SNX29: variants seen among roughly 807,000 people sequenced by gnomAD.
SNX29 encodes sorting nexin 29, also known as sorting nexin-29.
In SNX29, 78 loss-of-function variants were observed where a neutral mutation model predicts 102.1. The observed-to-expected ratio is 0.76, with a 90% CI of 0.64 to 0.92. The LOEUF is 0.92. Ranked by LOEUF, SNX29 falls within the 40% of genes least tolerant of loss-of-function variation. The pLI, the probability that SNX29 is intolerant of heterozygous loss-of-function variation, is 0.00. For missense variants in SNX29, 1,280 were observed against 1,061.7 expected (o/e 1.21, Z -2.86); for synonymous variants, 580 against 414.5 (o/e 1.40, Z -4.85).
chr16:12,249,059 C>T (rs1209116960), intron 14 of SNX29, among the ~76,000 whole-genome samples: 1 of 152,114 alleles, frequency 6.6e-6, no homozygotes, highest in East Asian at 1.9e-4. Context: ...ACAAACCATT[C>T]CCAAAATGAG....
intron 15 of SNX29, among the ~76,000 whole-genome samples, chr16:12,355,844 A>AG (rs1567471746): frequency 1.0e-4 from 1 of 9,846 alleles, no homozygotes; most frequent in East Asian, 4.9e-3. Flanking sequence ...AGATCTTATT[A>AG]AAAAAAAAAA....
rs564021148 is a variant in SNX29, at chr16:12,121,756, C to T, written c.1403-4877C>T. ...GGAGCCTCCAGCCAGGGGTCCTGGG[C>T]CCAGTTTAGGGTTTCATTTAAGGGT... On this transcript the variant is annotated intron_variant, in intron 11 of 20. Transcript: ENST00000566228. Among the ~76,000 whole-genome samples, 19 of 152,238 alleles carry T rather than the reference C, an allele frequency of 1.2e-4. No individual in the cohort carries two copies. In the East Asian group the frequency reaches 3.5e-3, roughly 28 times the overall value.
intron 19 of SNX29, among the ~76,000 whole-genome samples, chr16:12,512,480 C>T (rs1250448050): frequency 7.1e-6 from 1 of 140,870 alleles, no homozygotes; most frequent in Non-Finnish European, 1.6e-5. Context: ...GTGGTGCGAT[C>T]TCAGCTCACT....
At chr16:12,536,466 C>G (rs538687582) in intron 20 of SNX29, among the ~76,000 whole-genome samples, 3 of 152,030 alleles carry the variant, frequency 2.0e-5, no homozygotes, top group Non-Finnish European at 4.4e-5. Context: ...AAGGCTATGC[C>G]GTTTACTTTA....
At chr16:12,461,448 A>T (rs1237548128) in intron 18 of SNX29, among the ~76,000 whole-genome samples, 1 of 152,202 alleles carries the variant, frequency 6.6e-6, no homozygotes, top group East Asian at 1.9e-4. Flanking sequence ...TTCTAACCGC[A>T]GCCCTTCACT....
intron 14 of SNX29, among the ~76,000 whole-genome samples, chr16:12,219,527 G>A (rs2077419356): frequency 6.6e-6 from 1 of 152,162 alleles, no homozygotes; most frequent in African/African-American, 2.4e-5. Flanking sequence ...GTAGTGTGAA[G>A]GCAGTTGTTG....
At chr16:12,404,406 C>T (rs982778685) in intron 18 of SNX29, among the ~76,000 whole-genome samples, 6 of 151,970 alleles carry the variant, frequency 3.9e-5, no homozygotes, top group African/African-American at 1.5e-4. Context: ...GTCTGTCTTC[C>T]TTCTCCTCCT....
intron 20 of SNX29, among the ~76,000 whole-genome samples, chr16:12,548,238 A>G (rs1388433820): frequency 6.6e-6 from 1 of 152,160 alleles, no homozygotes; most frequent in Non-Finnish European, 1.5e-5. Context: ...GTGTTAGGTT[A>G]CATTTCCTTC....
At chr16:12,139,219 A>G (rs938268481) in intron 13 of SNX29, among the ~76,000 whole-genome samples, 3 of 118,226 alleles carry the variant, frequency 2.5e-5, no homozygotes, top group African/African-American at 6.6e-5. Flanking sequence ...AAAAAAAAAA[A>G]AAAGGGAGGA....
intron 3 of SNX29, among the ~76,000 whole-genome samples, chr16:12,024,305 A>AT (rs1004228861): frequency 6.6e-6 from 1 of 152,056 alleles, no homozygotes; most frequent in Non-Finnish European, 1.5e-5. Flanking sequence ...CACCCAGCTC[A>AT]TTTTATATAT....
intron 13 of SNX29, among the ~76,000 whole-genome samples, chr16:12,130,772 TC>T (rs1045432703): frequency 2.6e-5 from 4 of 152,026 alleles, no homozygotes; most frequent in Non-Finnish European, 4.4e-5. Context: ...TGGTAGCCTG[TC>T]CTATGCAGCA....
At chr16:12,551,445 G>A (rs1567179541) in intron 20 of SNX29, among the ~76,000 whole-genome samples, 2 of 152,198 alleles carry the variant, frequency 1.3e-5, no homozygotes, top group Non-Finnish European at 2.9e-5. Context: ...CACCCAGCAT[G>A]CTTTTAAAAA....
chr16:12,176,740 A>G (rs933780147), intron 13 of SNX29, among the ~76,000 whole-genome samples: 5 of 152,040 alleles, frequency 3.3e-5, no homozygotes, highest in Admixed American at 3.3e-4. Flanking sequence ...ATACCAAAGG[A>G]TGTGTCTGTG....
chr16:12,570,046 C>T lies in SNX29; in HGVS notation c.*1417C>T, dbSNP rs3803598. The T allele has an allele frequency of 5.3e-3, 2,646 of 499,340 alleles. 52 individuals carry two copies. In the East Asian group the frequency reaches 0.067, roughly 13 times the overall value. The allele number at this position is 499,340 out of a possible 1,614,324, so 30.9% of individuals were successfully genotyped here. ...GTGAGCATGGAGCATCTCCTAGGCTCGAGGACATCTCTGGAGAATCATCTG... is the reference window on the plus strand; with the variant it reads ...GTGAGCATGGAGCATCTCCTAGGCTTGAGGACATCTCTGGAGAATCATCTG... On this transcript the variant is annotated 3_prime_UTR_variant, in exon 21 of 21. Transcript: ENST00000566228.
At chr16:12,555,035 C>T (rs762003594) in intron 20 of SNX29, among the ~76,000 whole-genome samples, 15 of 151,756 alleles carry the variant, frequency 9.9e-5, no homozygotes, top group Non-Finnish European at 1.5e-4. Context: ...TGCCTGGTGC[C>T]ACCGAGCAGC....
At chr16:12,533,120 C>G (rs2076976526) in intron 20 of SNX29, among the ~76,000 whole-genome samples, 2 of 152,238 alleles carry the variant, frequency 1.3e-5, no homozygotes, top group African/African-American at 2.4e-5. Context: ...AACTCGACAG[C>G]TCTGCTTAGA....
At chr16:12,070,626 C>T (rs1375358873) in intron 10 of SNX29, among the ~76,000 whole-genome samples, 4 of 151,292 alleles carry the variant, frequency 2.6e-5, no homozygotes, top group East Asian at 1.9e-4. Context: ...TGAATAGTGC[C>T]ACAATAAACA....
intron 20 of SNX29, among the ~76,000 whole-genome samples, chr16:12,534,035 A>C (rs2077001924): frequency 6.6e-6 from 1 of 152,228 alleles, no homozygotes; most frequent in Admixed American, 6.5e-5. Flanking sequence ...TTGGTGCATA[A>C]GTCTGTTTAA....
At position 12,567,646 on chromosome 16, in the gene SNX29, C is replaced by T. The variant is rs577631456; in HGVS notation, c.2319-860C>T. 7.9e-5 allele frequency among the ~76,000 whole-genome samples: 12 copies of T among 152,272 alleles called. No individual in the cohort carries two copies. In the South Asian group the frequency reaches 2.3e-3, roughly 29 times the overall value. On this transcript the variant is annotated intron_variant, in intron 20 of 20. Coordinates refer to ENST00000566228, the MANE Select transcript of SNX29 (RefSeq NM_032167.5). ...GTATGGTGGCTAGTACCTATAGTCC[C>T]AGCTGCTCAGGAGGCTGAGGTGAGA...
Sources: gnomAD v4.1 joint callset for allele counts (sites outside exome capture counted in the v4.1 genomes callset) on GRCh38, gnomAD v4.1.1 for gene constraint, MANE v1.5 for transcripts, NCBI Gene and HGNC (gene_info 2026-07-23, HGNC 2026-07-21) for gene names.